SIPA1L3: variants seen among roughly 807,000 people sequenced by gnomAD.
SIPA1L3 encodes the protein signal induced proliferation associated 1 like 3, also known as signal-induced proliferation-associated 1-like protein 3.
In SIPA1L3, 59 loss-of-function variants were observed where a neutral mutation model predicts 150.1. The ratio of observed to expected loss-of-function variants is 0.39; its 90% CI spans 0.32 to 0.49. SIPA1L3 has a LOEUF of 0.49. Ranked by LOEUF, SIPA1L3 falls within the 20% of genes least tolerant of loss-of-function variation. The pLI is 0.86. For missense variants in SIPA1L3, 2,211 were observed against 2,489.5 expected (o/e 0.89, Z 2.38); for synonymous variants, 1,070 against 1,077.6 (o/e 0.99, Z 0.14).
rs914290774 is a variant in SIPA1L3 at position 38,036,431 on chromosome 19, C to T, written c.-311+7275C>T. On this transcript the variant is annotated intron_variant, in intron 2 of 21. Coordinates refer to ENST00000222345, the MANE Select transcript of SIPA1L3 (RefSeq NM_015073.3). ...TGTGATCCCTAAGGAGCGTGTGTCCCGAGGGCTGCCCAGGCAGGCCCTGTC... is the reference window on the plus strand; with the variant it reads ...TGTGATCCCTAAGGAGCGTGTGTCCTGAGGGCTGCCCAGGCAGGCCCTGTC... Among the ~76,000 whole-genome samples, 9 of 152,334 alleles carry T rather than the reference C, an allele frequency of 5.9e-5. No homozygotes were observed. The South Asian group carries it at 6.2e-4, about 11-fold the overall frequency.
chr19:38,183,924 C>G (rs950199942), intron 16 of SIPA1L3, among the ~76,000 whole-genome samples: 1 of 152,078 alleles, frequency 6.6e-6, no homozygotes, highest in Non-Finnish European at 1.5e-5. Flanking sequence ...CCAGAGGTCG[C>G]CGGAGGGTTC....
intron 2 of SIPA1L3, among the ~76,000 whole-genome samples, chr19:38,054,864 C>T (rs1483275315): frequency 2.0e-5 from 3 of 152,236 alleles, no homozygotes; most frequent in African/African-American, 7.2e-5. Flanking sequence ...GGGATGGCTG[C>T]GCTTCTGCCA....
chr19:37,931,607 G>C (rs892175367), intron 1 of SIPA1L3, among the ~76,000 whole-genome samples: 42 of 151,600 alleles, frequency 2.8e-4, no homozygotes, highest in Non-Finnish European at 5.0e-4. Context: ...AAAAGTAGCT[G>C]GGTGTGATGG....
intron 1 of SIPA1L3, among the ~76,000 whole-genome samples, chr19:37,980,408 C>T (rs62120130): frequency 0.048 from 7,306 of 152,134 alleles, 209 homozygotes; most frequent in East Asian, 0.11. Context: ...AACAGTATGC[C>T]CTGGAGATCC....
chr19:38,017,609 C>A (rs1220495617), intron 1 of SIPA1L3, among the ~76,000 whole-genome samples: 1 of 151,290 alleles, frequency 6.6e-6, no homozygotes, highest in African/African-American at 2.4e-5. Flanking sequence ...ACTGCAGTCT[C>A]GAACTCCTGG....
rs903221595 is a variant in SIPA1L3 at position 38,083,243 on chromosome 19, G to T, written c.1534+144G>T. 1.0e-5 allele frequency: 9 copies of T among 885,742 alleles called. No individual in the cohort carries two copies. In the African/African-American group the frequency reaches 1.3e-4, roughly 13 times the overall value. The allele number at this position is 885,742 out of a possible 1,614,324, so 54.9% of individuals were successfully genotyped here. On this transcript the variant is annotated intron_variant, in intron 3 of 21. Transcript: ENST00000222345. ...ACAGAGACCTCCCTTCTGGAGGGCT[G>T]TGAGGATCCGGTGAGCAGAGCCACC...
chr19:38,044,096 AG>A (rs1277204100), intron 2 of SIPA1L3, among the ~76,000 whole-genome samples: 3 of 151,980 alleles, frequency 2.0e-5, no homozygotes, highest in African/African-American at 7.3e-5. Flanking sequence ...AGAGAAAGAG[AG>A]GGGGCTAGGA....
At chr19:37,988,825 C>G (rs1273546445) in intron 1 of SIPA1L3, among the ~76,000 whole-genome samples, 1 of 152,202 alleles carries the variant, frequency 6.6e-6, no homozygotes, top group Non-Finnish European at 1.5e-5. Flanking sequence ...GACCCTTTCC[C>G]TGCTCCTAGA....
chr19:38,027,729 C>G (rs1968546656), intron 1 of SIPA1L3, among the ~76,000 whole-genome samples: 1 of 151,040 alleles, frequency 6.6e-6, no homozygotes, highest in African/African-American at 2.4e-5. Flanking sequence ...GTTGCCCAGG[C>G]TGGTCTTGAA....
chr19:38,185,738 CCACA>C (rs1395465063), intron 16 of SIPA1L3: 1 of 152,056 alleles, frequency 6.6e-6, no homozygotes, highest in African/African-American at 2.4e-5. Context: ...GCATCTGTGC[CCACA>C]TTTCCTCTTT....
At chr19:38,000,910 A>AT (rs370268710) in intron 1 of SIPA1L3, among the ~76,000 whole-genome samples, 26 of 79,184 alleles carry the variant, frequency 3.3e-4, no homozygotes, top group East Asian at 2.8e-3. Context: ...ATATATATAT[A>AT]ACATATATAT....
At position 38,182,641 on chromosome 19, in the gene SIPA1L3, C is replaced by T. The variant is rs1568597325; in HGVS notation, c.4331C>T (p.Ser1444Phe). The change falls in exon 16 of 22, where the codon TCC becomes TTC. Residue 1444 changes from serine (S) to phenylalanine (F), a missense_variant. Physicochemically the swap from Ser to Phe is radical, Grantham distance 155 (BLOSUM62 -2). Around this residue, in one of 5 missense-constraint regions of SIPA1L3, gnomAD observed 806 missense variants for 870.1 expected, o/e 0.93. Coordinates refer to ENST00000222345, the MANE Select transcript of SIPA1L3 (RefSeq NM_015073.3). ...PFQLSASVPK[S>F]FFSKQPVRNK... ...CAGCTCTCCGCCTCCGTCCCCAAGT[C>T]CTTCTTCTCCAAGCAGCCTGTACGC... is the stretch of plus-strand genomic sequence containing the variant. The T allele has an allele frequency of 1.3e-5, 21 of 1,614,220 alleles. No individual in the cohort carries two copies. The highest frequency in any genetic ancestry group is 1.8e-5 in the Non-Finnish European group (21 of 1,180,026).
chr19:38,006,377 A>G (rs1380762696), intron 1 of SIPA1L3, among the ~76,000 whole-genome samples: 1 of 152,164 alleles, frequency 6.6e-6, no homozygotes, highest in East Asian at 1.9e-4. Context: ...GGTGTGGGGC[A>G]TCACGCCTTT....
chr19:38,024,561 C>A (rs1255148481), intron 1 of SIPA1L3, among the ~76,000 whole-genome samples: 1 of 151,934 alleles, frequency 6.6e-6, no homozygotes, highest in Non-Finnish European at 1.5e-5. Flanking sequence ...TGGCCCTGGG[C>A]CCCAGATAAG....
At chr19:38,125,976 A>T (rs1971161997) in intron 9 of SIPA1L3, among the ~76,000 whole-genome samples, 1 of 152,218 alleles carries the variant, frequency 6.6e-6, no homozygotes, top group Non-Finnish European at 1.5e-5. Context: ...GATCGAGACC[A>T]TCCTGGCCAA....
intron 4 of SIPA1L3, among the ~76,000 whole-genome samples, chr19:38,091,879 G>A (rs888754742): frequency 2.0e-5 from 3 of 151,678 alleles, no homozygotes; most frequent in Non-Finnish European, 4.4e-5. Flanking sequence ...CCAACATGGC[G>A]AAACCCTGTC....
intron 1 of SIPA1L3, among the ~76,000 whole-genome samples, chr19:38,013,033 G>A (rs993311630): frequency 1.3e-5 from 2 of 152,158 alleles, no homozygotes; most frequent in African/African-American, 4.8e-5. Context: ...GGGGCTTTGG[G>A]CATCTGGGGG....
At chr19:38,132,334 C>A (rs940786392) in intron 10 of SIPA1L3, among the ~76,000 whole-genome samples, 1 of 151,352 alleles carries the variant, frequency 6.6e-6, no homozygotes. Flanking sequence ...CCGAGGCGGG[C>A]GGATCACCAG....
chr19:38,083,689 G>C (rs1015788933), intron 3 of SIPA1L3, among the ~76,000 whole-genome samples: 2 of 152,094 alleles, frequency 1.3e-5, no homozygotes, highest in African/African-American at 4.8e-5. Flanking sequence ...ACAGAGCAGC[G>C]AATACAAAAG....
Sources: gnomAD v4.1 joint callset for allele counts (sites outside exome capture counted in the v4.1 genomes callset) on GRCh38, gnomAD v4.1.1 for gene constraint, gnomAD v4.1.1 regional missense constraint, MANE v1.5 for transcripts, NCBI Gene and HGNC (gene_info 2026-07-23, HGNC 2026-07-21) for gene names.